The following THSD4 variants were observed in gnomAD, a reference collection of about 807,000 sequenced individuals.
The protein encoded by THSD4 is thrombospondin type 1 domain containing 4.
THSD4 carries 69 observed loss-of-function variants against 119.0 expected under a neutral mutation model. The ratio of observed to expected loss-of-function variants is 0.58; its 90% CI spans 0.48 to 0.71. THSD4 has a LOEUF of 0.71. Ranked by LOEUF, THSD4 falls within the 30% of genes least tolerant of loss-of-function variation. The probability of loss-of-function intolerance (pLI) is 0.00; values close to 1 mark genes in which losing one functional copy is unlikely to be tolerated. For synonymous variants in THSD4, 524 were observed against 540.4 expected (o/e 0.97, Z 0.42); for missense variants, 1,393 against 1,391.1 (o/e 1.00, Z -0.02).
chr15:71,632,661 G>A (rs565889933), intron 7 of THSD4, among the ~76,000 whole-genome samples: 1 of 152,332 alleles, frequency 6.6e-6, no homozygotes, highest in Admixed American at 6.5e-5. Context: ...GGACTGAAGT[G>A]TTGCACATTT....
At chr15:71,541,436 C>T (rs2048758290) in intron 7 of THSD4, among the ~76,000 whole-genome samples, 1 of 152,198 alleles carries the variant, frequency 6.6e-6, no homozygotes, top group African/African-American at 2.4e-5. Flanking sequence ...TGTCCTGAAG[C>T]AACTCAGTTT....
At chr15:71,158,242 C>A (rs2040800484) in intron 3 of THSD4, among the ~76,000 whole-genome samples, 1 of 151,260 alleles carries the variant, frequency 6.6e-6, no homozygotes, top group South Asian at 2.1e-4. Flanking sequence ...CAACCTCCAC[C>A]TCCTGGGCTC....
intron 6 of THSD4, among the ~76,000 whole-genome samples, chr15:71,316,623 G>A (rs2045189948): frequency 1.3e-5 from 2 of 152,128 alleles, no homozygotes; most frequent in South Asian, 2.1e-4. Context: ...ATGCTTTCAG[G>A]CCTGGCTTAG....
At chr15:71,407,055 T>C (rs2046619226) in intron 6 of THSD4, among the ~76,000 whole-genome samples, 1 of 152,178 alleles carries the variant, frequency 6.6e-6, no homozygotes, top group Non-Finnish European at 1.5e-5. Context: ...CTTTTATTAT[T>C]ATAAAATGTA....
chr15:71,717,057 C>A (rs2052624486), intron 8 of THSD4, among the ~76,000 whole-genome samples: 1 of 152,154 alleles, frequency 6.6e-6, no homozygotes, highest in South Asian at 2.1e-4. Flanking sequence ...CATGTTGCTG[C>A]CTTTTGCATA....
intron 6 of THSD4, among the ~76,000 whole-genome samples, chr15:71,325,086 C>T (rs141109989): frequency 2.0e-3 from 297 of 152,142 alleles, no homozygotes; most frequent in African/African-American, 6.8e-3. Context: ...TCATGTTTGT[C>T]GGCCATTTGT....
chr15:71,233,094 G>C (rs1409382642), intron 4 of THSD4, among the ~76,000 whole-genome samples: 1 of 152,196 alleles, frequency 6.6e-6, no homozygotes, highest in Non-Finnish European at 1.5e-5. Flanking sequence ...CTTGATGCTG[G>C]TCTGTGCTGA....
intron 7 of THSD4, among the ~76,000 whole-genome samples, chr15:71,582,957 A>G (rs1249222309): frequency 6.6e-6 from 1 of 152,134 alleles, no homozygotes. Context: ...GAGTTTGGAA[A>G]TGCTCTCTCC....
In THSD4 at chr15:71,429,906, C is replaced by T. The variant is rs2046919773; in HGVS notation, c.1152+18083C>T. On this transcript the variant is annotated intron_variant, in intron 7 of 17. Coordinates refer to ENST00000261862, the MANE Select transcript of THSD4 (RefSeq NM_024817.3). Reference sequence around the variant, plus strand: ...ATTAGACCTCTATCCATGACACAGGCAAACAGATCTTTAATAAGAGATATT... The same window carrying T: ...ATTAGACCTCTATCCATGACACAGGTAAACAGATCTTTAATAAGAGATATT... 1.3e-5 allele frequency among the ~76,000 whole-genome samples: 2 copies of T among 152,240 alleles called. 1 individual carries two copies. The highest frequency in any genetic ancestry group is 3.9e-4 in the East Asian group (2 of 5,178).
intron 7 of THSD4, among the ~76,000 whole-genome samples, chr15:71,623,259 A>G (rs767929206): frequency 1.3e-5 from 2 of 152,242 alleles, no homozygotes; most frequent in African/African-American, 4.8e-5. Context: ...TGCCAGTGTT[A>G]TGCCATTAAT....
intron 7 of THSD4, among the ~76,000 whole-genome samples, chr15:71,626,368 G>C (rs1289296652): frequency 1.3e-5 from 2 of 152,286 alleles, no homozygotes; most frequent in East Asian, 3.9e-4. Flanking sequence ...CATGGTGACT[G>C]TGGGCATCTT....
intron 7 of THSD4, among the ~76,000 whole-genome samples, chr15:71,603,746 G>T (rs1412205336): frequency 6.7e-6 from 1 of 150,050 alleles, no homozygotes; most frequent in Non-Finnish European, 1.5e-5. Flanking sequence ...TCTGGTGGGA[G>T]AATTTGAATT....
At chr15:71,397,715 G>A (rs1395052955) in intron 6 of THSD4, among the ~76,000 whole-genome samples, 1 of 152,212 alleles carries the variant, frequency 6.6e-6, no homozygotes. Flanking sequence ...AGTCAAATCT[G>A]AATTTGAATC....
intron 14 of THSD4, among the ~76,000 whole-genome samples, chr15:71,751,201 C>A (rs1040160818): frequency 2.0e-5 from 3 of 152,216 alleles, no homozygotes; most frequent in African/African-American, 7.2e-5. Context: ...TTTCTGAACT[C>A]ATTCGTGTTC....
chr15:71,124,666 A>G (rs1297785576), intron 1 of THSD4, among the ~76,000 whole-genome samples: 2 of 152,214 alleles, frequency 1.3e-5, no homozygotes, highest in Non-Finnish European at 2.9e-5. Flanking sequence ...AGTGAATTAA[A>G]AATTTTAAAT....
chr15:71,615,227 A>G (rs2050300157), intron 7 of THSD4, among the ~76,000 whole-genome samples: 1 of 152,218 alleles, frequency 6.6e-6, no homozygotes, highest in African/African-American at 2.4e-5. Context: ...TGGAAATGAG[A>G]TTTCTGTGAT....
chr15:71,156,547 G>A (rs1232174530), intron 3 of THSD4, among the ~76,000 whole-genome samples: 2 of 152,044 alleles, frequency 1.3e-5, no homozygotes, highest in African/African-American at 4.8e-5. Flanking sequence ...TTATAGGTGT[G>A]AGCCGCTGCA....
chr15:71,293,217 A>G, intron 6 of THSD4, among the ~76,000 whole-genome samples: 1 of 152,144 alleles, frequency 6.6e-6, no homozygotes, highest in East Asian at 1.9e-4. Flanking sequence ...GCTTTTCTTT[A>G]GGAGAACAGA....
chr15:71,686,979 G>A (rs2051924495), intron 8 of THSD4, among the ~76,000 whole-genome samples: 1 of 152,170 alleles, frequency 6.6e-6, no homozygotes, highest in South Asian at 2.1e-4. Context: ...GTCAACACTA[G>A]TTGACCATCT....
Sources: gnomAD v4.1 joint callset for allele counts (sites outside exome capture counted in the v4.1 genomes callset) on GRCh38, gnomAD v4.1.1 for gene constraint, MANE v1.5 for transcripts, NCBI Gene and HGNC (gene_info 2026-07-23, HGNC 2026-07-21) for gene names.